Variants in GALNT18 observed in about 807,000 individuals in gnomAD.
GALNT18 encodes GalNAc-transferase 18.
In GALNT18, 44 loss-of-function variants were observed where a neutral mutation model predicts 69.5. That is an observed-to-expected ratio of 0.63 (90% CI 0.50 to 0.81). The LOEUF is 0.81. Among genes scored for constraint, GALNT18 ranks in the 40% least tolerant of loss-of-function variants. The pLI is 0.00. For missense variants in GALNT18, 715 were observed against 810.0 expected, an observed-to-expected ratio of 0.88 and a Z score of 1.42; for synonymous variants, 364 against 318.2, an observed-to-expected ratio of 1.14 and a Z score of -1.53.
At chr11:11,524,545 T>C (rs1313700036) in intron 1 of GALNT18, among the ~76,000 whole-genome samples, 5 of 152,194 alleles carry the variant, frequency 3.3e-5, no homozygotes, top group Admixed American at 3.3e-4. Flanking sequence ...ACTTTCGTTT[T>C]CTCTTCCAGG....
chr11:11,561,050 G>A (rs1858492732), intron 1 of GALNT18, among the ~76,000 whole-genome samples: 1 of 152,202 alleles, frequency 6.6e-6, no homozygotes. Flanking sequence ...AAGACCTGCA[G>A]TGAAAACTAT....
intron 3 of GALNT18, among the ~76,000 whole-genome samples, chr11:11,427,327 G>A (rs1457150758): frequency 6.6e-6 from 1 of 152,194 alleles, no homozygotes; most frequent in African/African-American, 2.4e-5. Context: ...TGACTGCCCT[G>A]TTCCTTTGCC....
intron 1 of GALNT18, among the ~76,000 whole-genome samples, chr11:11,556,023 T>C (rs1313363173): frequency 6.6e-6 from 1 of 152,136 alleles, no homozygotes; most frequent in African/African-American, 2.4e-5. Context: ...CAGTGCCAGG[T>C]CATGGATGAA....
intron 10 of GALNT18, among the ~76,000 whole-genome samples, chr11:11,291,368 A>T (rs1051890805): frequency 6.6e-6 from 1 of 152,220 alleles, no homozygotes; most frequent in Admixed American, 6.5e-5. Context: ...CACCTTGGGC[A>T]TGTTCGTTAA....
intron 1 of GALNT18, among the ~76,000 whole-genome samples, chr11:11,490,494 G>A (rs1249354989): frequency 6.6e-6 from 1 of 152,152 alleles, no homozygotes; most frequent in Non-Finnish European, 1.5e-5. Flanking sequence ...TGTATGCAGT[G>A]TCTCACATGT....
intron 1 of GALNT18, among the ~76,000 whole-genome samples, chr11:11,512,209 G>A (rs1857179744): frequency 6.6e-6 from 1 of 152,142 alleles, no homozygotes; most frequent in African/African-American, 2.4e-5. Flanking sequence ...GTGTCTCCTG[G>A]GCAGGAGTAA....
chr11:11,560,200 GATAGA>G (rs1399421585), intron 1 of GALNT18, among the ~76,000 whole-genome samples: 1 of 2,844 alleles, frequency 3.5e-4, no homozygotes, highest in African/African-American at 1.7e-3. Context: ...GGATGGGTGA[GATAGA>G]ATAGAATGGA....
chr11:11,427,794 AT>A (rs1855167393), intron 3 of GALNT18, among the ~76,000 whole-genome samples: 1 of 152,102 alleles, frequency 6.6e-6, no homozygotes, highest in Admixed American at 6.6e-5. Context: ...TATCACTGTC[AT>A]TTTAAGTCAC....
chr11:11,277,393 T>C (rs951150587), intron 10 of GALNT18, among the ~76,000 whole-genome samples: 1 of 152,146 alleles, frequency 6.6e-6, no homozygotes, highest in African/African-American at 2.4e-5. Flanking sequence ...ATTTGATTCT[T>C]CTCTTTTTTT....
At chr11:11,357,961 C>A (rs1428033707) in intron 6 of GALNT18, among the ~76,000 whole-genome samples, 1 of 152,116 alleles carries the variant, frequency 6.6e-6, no homozygotes, top group African/African-American at 2.4e-5. Context: ...GTTTGCCTGC[C>A]TGTTTGAGTT....
chr11:11,327,889 C>T (rs554862290), intron 8 of GALNT18, among the ~76,000 whole-genome samples: 8 of 152,314 alleles, frequency 5.3e-5, no homozygotes, highest in South Asian at 4.1e-4. Context: ...CCCTGCTCAC[C>T]GGCCACAACT....
chr11:11,417,503 G>A (rs1005176200), intron 3 of GALNT18, among the ~76,000 whole-genome samples: 1 of 152,176 alleles, frequency 6.6e-6, no homozygotes, highest in African/African-American at 2.4e-5. Context: ...GGCCATATCT[G>A]ACCTGCCCAT....
At chr11:11,316,280 C>T (rs113749255) in intron 9 of GALNT18, among the ~76,000 whole-genome samples, 1 of 152,180 alleles carries the variant, frequency 6.6e-6, no homozygotes, top group East Asian at 1.9e-4. Flanking sequence ...TATTTATAGA[C>T]AAAAATCATA....
At position 11,379,284 on chromosome 11, in the gene GALNT18, G is replaced by A; in HGVS notation, c.596-20C>T. 6.2e-7 allele frequency: 1 copy of A among 1,604,656 alleles called. No individual in the cohort carries two copies. The highest frequency in any genetic ancestry group is 8.5e-7 in the Non-Finnish European group (1 of 1,175,496). ...GTTCCTCTGTCAGGGAGAAAATGCAGCCTTAGCATGGGAGGGAGGTCAGGA... is the reference window on the plus strand; with the variant it reads ...GTTCCTCTGTCAGGGAGAAAATGCAACCTTAGCATGGGAGGGAGGTCAGGA... On this transcript the variant is annotated intron_variant, in intron 3 of 10. Transcript: ENST00000227756.
At chr11:11,346,118 C>T (rs1850298698) in intron 6 of GALNT18, among the ~76,000 whole-genome samples, 1 of 152,208 alleles carries the variant, frequency 6.6e-6, no homozygotes, top group African/African-American at 2.4e-5. Flanking sequence ...AAATTAGATC[C>T]CCTCTGAATA....
At chr11:11,367,930 C>T (rs1393154961) in intron 6 of GALNT18, among the ~76,000 whole-genome samples, 1 of 152,174 alleles carries the variant, frequency 6.6e-6, no homozygotes, top group African/African-American at 2.4e-5. Context: ...TCATTAACAA[C>T]TGTGCCATAC....
rs534494254 is a variant in GALNT18, at chr11:11,593,374, A to C, written c.235+27985T>G. 2.0e-5 allele frequency among the ~76,000 whole-genome samples: 3 copies of C among 152,224 alleles called. No homozygotes were observed. The East Asian group carries it at 5.8e-4, about 29-fold the overall frequency. The stretch of plus-strand genomic sequence containing the variant: ...GGTACTTTGTCAGCTCATGAGTCTA[A>C]AAAAATCTATGAGGTGAGAAGCCCA... On this transcript the variant is annotated intron_variant, in intron 1 of 10. Transcript: ENST00000227756.
intron 9 of GALNT18, among the ~76,000 whole-genome samples, chr11:11,308,183 A>T (rs1590026335): frequency 6.6e-6 from 1 of 152,092 alleles, no homozygotes; most frequent in East Asian, 1.9e-4. Flanking sequence ...ATACGACTCT[A>T]CTCACCACTT....
chr11:11,594,925 A>G lies in GALNT18; in HGVS notation c.235+26434T>C, dbSNP rs145207510. On this transcript the variant is annotated intron_variant, in intron 1 of 10. Coordinates refer to ENST00000227756, the MANE Select transcript of GALNT18 (RefSeq NM_198516.3). ...ACAGATACAAAATATGCGTGTGTGT[A>G]TATATATATATAATCTCCAAGAATG... 6.7e-3 allele frequency among the ~76,000 whole-genome samples: 990 copies of G among 146,928 alleles called. 14 individuals are homozygous for G. The highest frequency in any genetic ancestry group is 0.023 in the African/African-American group (938 of 40,270).
Sources: allele counts gnomAD v4.1 joint callset (sites outside exome capture counted in the v4.1 genomes callset), GRCh38; gene constraint gnomAD v4.1.1; transcripts MANE v1.5; gene names NCBI Gene and HGNC (gene_info 2026-07-23, HGNC 2026-07-21).